Variants in CYB561 observed in about 807,000 individuals in gnomAD.
CYB561 encodes the protein transmembrane ascorbate-dependent reductase CYB561.
Under a neutral mutation model 25.3 loss-of-function variants are expected in CYB561, and 11 were observed. The observed-to-expected ratio is 0.44, with a 90% CI of 0.27 to 0.72. The LOEUF is 0.72. Among genes scored for constraint, CYB561 ranks in the 30% least tolerant of loss-of-function variants. CYB561 has a pLI of 0.18. For missense variants in CYB561, 295 were observed against 334.9 expected (o/e 0.88, Z 0.93); for synonymous variants, 165 against 158.8 (o/e 1.04, Z -0.29).
At chr17:63,439,660 T>G (rs2049355417) in intron 1 of CYB561, among the ~76,000 whole-genome samples, 1 of 152,204 alleles carries the variant, frequency 6.6e-6, no homozygotes, top group South Asian at 2.1e-4. Flanking sequence ...ATCTATATCC[T>G]CACACACCTT....
Position 63,434,095 on chromosome 17 carries a change from C to T in CYB561, c.*307G>A, listed in dbSNP as rs529020517. The T allele has an allele frequency of 1.5e-5, 5 of 330,254 alleles. No individual in the cohort carries two copies. The highest frequency in any genetic ancestry group is 8.4e-5 in the African/African-American group (4 of 47,550). 20.5% of individuals were successfully genotyped at this position (330,254 alleles called of 1,614,324 possible). ...GCCAGGAGGGTGGGGCCTCCTCTCT[C>T]GCTTCTTTAAAGATCTGTGCTCTGC... On this transcript the variant is annotated 3_prime_UTR_variant, in exon 6 of 6. Coordinates refer to ENST00000360793, the MANE Select transcript of CYB561 (RefSeq NM_001915.4).
intron 2 of CYB561, 168 bp downstream of exon 2, chr17:63,437,178 G>C: frequency 1.6e-6 from 1 of 616,944 alleles, no homozygotes; most frequent in Non-Finnish European, 2.9e-6. Context: ...TCAGAGCCTG[G>C]GTTTGGATTC....
chr17:63,445,315 C>T (rs191768174), intron 1 of CYB561, among the ~76,000 whole-genome samples: 14 of 151,452 alleles, frequency 9.2e-5, no homozygotes, highest in East Asian at 1.9e-4. Flanking sequence ...GCCACCGCCT[C>T]GTATTTTCCT....
chr17:63,435,718 C>T lies in CYB561; in HGVS notation c.375G>A (p.Gly125=), dbSNP rs745590631. ...CAAAGTACAGGACAAAGACAAGGAT[C>T]CCGCACCAGCTGTGTAGGCTGTACA... ...ADLYSLHSWC[G]ILVFVLYFVQ... is the part of the protein sequence containing the mutation. The change falls in exon 4 of 6, where the codon GGG becomes GGA. Residue 125 remains glycine, a synonymous_variant. Transcript: ENST00000360793. 3.1e-6 allele frequency: 5 copies of T among 1,614,102 alleles called. No homozygotes were observed. The African/African-American group carries it at 4.0e-5, about 13-fold the overall frequency.
chr17:63,437,507 G>A lies in CYB561; in HGVS notation c.41C>T (p.Pro14Leu), dbSNP rs374191429. The A allele has an allele frequency of 1.2e-5, 19 of 1,613,264 alleles. No homozygotes were observed. The highest frequency in any genetic ancestry group is 6.6e-5 in the South Asian group (6 of 91,078). Residue 14 changes from proline to leucine, a missense_variant, in exon 2 of 6, where the codon CCT becomes CTT. By Grantham distance (98) the Pro-to-Leu change is moderately conservative (BLOSUM62 -3). Transcript: ENST00000360793. Reference protein sequence around the residue: ...GAAAATPTALPYYVAFSQLLG... With the variant: ...GAAAATPTALLYYVAFSQLLG... ...CAGCTGGGAGAAGGCCACGTAGTAA[G>A]GCAGTGCTGTGGGGGTGGCTGCCGC... is the stretch of plus-strand genomic sequence containing the variant.
At position 63,432,958 on chromosome 17, in the gene CYB561, GT is replaced by G. The variant is rs1225121921; in HGVS notation, c.*1443del. 2 of 156,024 alleles carry G rather than the reference GT, an allele frequency of 1.3e-5. No homozygotes were observed. Among genetic ancestry groups the G allele is most frequent in the African/African-American group, 4.8e-5 (2 of 41,618 alleles). The allele number at this position is 156,024 out of a possible 1,614,324, so 9.7% of individuals were successfully genotyped here. A position where few individuals can be genotyped will look rare whatever the true frequency, so the allele number is the denominator to read the frequency against. On this transcript the variant is annotated 3_prime_UTR_variant, in exon 6 of 6. Coordinates refer to ENST00000360793, the MANE Select transcript of CYB561 (RefSeq NM_001915.4). ...TCACTGAAGTACACAGTGTCTGTGT[GT>G]GTCTCAAGCTAAGCCATGCTCCTCA...
At chr17:63,443,484 A>G (rs963992063) in intron 1 of CYB561, among the ~76,000 whole-genome samples, 1 of 152,218 alleles carries the variant, frequency 6.6e-6, no homozygotes, top group Non-Finnish European at 1.5e-5. Context: ...CTGAAGTCAA[A>G]CACTGAGCTC....
chr17:63,433,136 C>G lies in CYB561; in HGVS notation c.*1266G>C. On this transcript the variant is annotated 3_prime_UTR_variant, in exon 6 of 6. Transcript: ENST00000360793. ...CAAGCGCCATCTCCCGGGTTCACAC[C>G]ATTCTCCTGCCTCAGCCTCCCAAGT... 2.9e-6 allele frequency: 1 copy of G among 349,414 alleles called. No homozygotes were observed. The highest frequency in any genetic ancestry group is 5.1e-6 in the Non-Finnish European group (1 of 195,608). 21.6% of individuals were successfully genotyped at this position (349,414 alleles called of 1,614,324 possible). A position where few individuals can be genotyped will look rare whatever the true frequency, so the allele number is the denominator to read the frequency against.
chr17:63,433,047 G>A lies in CYB561; in HGVS notation c.*1355C>T, dbSNP rs1025732587. ...CACCAGATCCAAGAAGCACATGATC[G>A]GTGTTCTTTTTTTTTTCTTTTTTGA... On this transcript the variant is annotated 3_prime_UTR_variant, in exon 6 of 6. Coordinates refer to ENST00000360793, the MANE Select transcript of CYB561 (RefSeq NM_001915.4). 3 of 213,924 alleles carry A rather than the reference G, an allele frequency of 1.4e-5. No individual in the cohort carries two copies. Among genetic ancestry groups the A allele is most frequent in the African/African-American group, 4.6e-5 (2 of 43,716 alleles). The allele number at this position is 213,924 out of a possible 1,614,324, so 13.3% of individuals were successfully genotyped here.
chr17:63,434,378 A>AACCCG lies in CYB561; in HGVS notation c.*23_*24insCGGGT, dbSNP rs1192775327. The AACCCG allele has an allele frequency of 1.3e-6, 2 of 1,523,492 alleles. No homozygotes were observed. Among genetic ancestry groups the AACCCG allele is most frequent in the Non-Finnish European group, 1.8e-6 (2 of 1,129,046 alleles). 94.4% of individuals were successfully genotyped at this position (1,523,492 alleles called of 1,614,324 possible). ...GGGGCAGGCAAGAAGACACCCCGCG[A>AACCCG]ACCCCCAGGGCCGGCCGGGCGCATC... is the stretch of plus-strand genomic sequence containing the variant. On this transcript the variant is annotated 3_prime_UTR_variant, in exon 6 of 6. Coordinates refer to ENST00000360793, the MANE Select transcript of CYB561 (RefSeq NM_001915.4).
rs1360125923 is a variant in CYB561, at chr17:63,433,959, G to C, written c.*443C>G. The C allele has an allele frequency of 5.4e-6, 1 of 184,232 alleles. No individual in the cohort carries two copies. The highest frequency in any genetic ancestry group is 1.1e-5 in the Non-Finnish European group (1 of 90,100). The allele number at this position is 184,232 out of a possible 1,614,324, so 11.4% of individuals were successfully genotyped here. A position where few individuals can be genotyped will look rare whatever the true frequency, so the allele number is the denominator to read the frequency against. The stretch of plus-strand genomic sequence containing the variant: ...AAGGCCGGGCCCATTTGTGCCACGT[G>C]TTATTCAGGCTGGAGGGACTCCTTG... On this transcript the variant is annotated 3_prime_UTR_variant, in exon 6 of 6. Transcript: ENST00000360793.
Position 63,437,715 on chromosome 17 carries a change from GT to G in CYB561, c.-13-156del, listed in dbSNP as rs2049323460. 10 of 528,022 alleles carry G rather than the reference GT, an allele frequency of 1.9e-5. No homozygotes were observed. The Admixed American group carries it at 3.4e-4, about 18-fold the overall frequency. 32.7% of individuals were successfully genotyped at this position (528,022 alleles called of 1,614,324 possible). On this transcript the variant is annotated intron_variant, in intron 1 of 5. Transcript: ENST00000360793. Reference sequence around the variant, plus strand: ...ACAGCCGCCCCCGGAGATAAGCACGGTCCCCCCAGATATGCACAGCCCCCCC... The same window carrying G: ...ACAGCCGCCCCCGGAGATAAGCACGGCCCCCCAGATATGCACAGCCCCCCC...
At chr17:63,443,792 A>AT (rs1459304185) in intron 1 of CYB561, among the ~76,000 whole-genome samples, 1 of 151,782 alleles carries the variant, frequency 6.6e-6, no homozygotes, top group Non-Finnish European at 1.5e-5. Flanking sequence ...TGCCCAGTTA[A>AT]TTTTTTCTTT....
intron 4 of CYB561, 127 bp downstream of exon 4, chr17:63,435,561 G>T: frequency 1.2e-6 from 1 of 844,014 alleles, no homozygotes; most frequent in Non-Finnish European, 2.0e-6. Context: ...GCCTGGGAAG[G>T]CAGCTCTCTC....
Position 63,433,756 on chromosome 17 carries a change from C to T in CYB561, c.*646G>A, listed in dbSNP as rs919187751. 7 of 219,132 alleles carry T rather than the reference C, an allele frequency of 3.2e-5. No individual in the cohort carries two copies. The highest frequency in any genetic ancestry group is 4.5e-5 in the African/African-American group (2 of 44,032). 13.6% of individuals were successfully genotyped at this position (219,132 alleles called of 1,614,324 possible). On this transcript the variant is annotated 3_prime_UTR_variant, in exon 6 of 6. Transcript: ENST00000360793. ...TCTGTCTGAAGTCATGGGCTTCTAT[C>T]CCCTCTCCCACCAAAGCCATCCTAG...
In CYB561 at chr17:63,432,536, T is replaced by A. The variant is rs1599112094; in HGVS notation, c.*1866A>T. 1 of 152,242 alleles carries A rather than the reference T, an allele frequency of 6.6e-6. No individual in the cohort carries two copies. Among genetic ancestry groups the A allele is most frequent in the South Asian group, 2.1e-4 (1 of 4,828 alleles). The allele number at this position is 152,242 out of a possible 1,614,324, so 9.4% of individuals were successfully genotyped here. A position where few individuals can be genotyped will look rare whatever the true frequency, so the allele number is the denominator to read the frequency against. On this transcript the variant is annotated 3_prime_UTR_variant, in exon 6 of 6. Coordinates refer to ENST00000360793, the MANE Select transcript of CYB561 (RefSeq NM_001915.4). ...CATTCCGGCTAGAGAGAGACACGATTGTACTTTGGTAGTTTGTCTAAGGCG... is the reference window on the plus strand; with the variant it reads ...CATTCCGGCTAGAGAGAGACACGATAGTACTTTGGTAGTTTGTCTAAGGCG...
At chr17:63,446,207 C>T (rs979220935) in intron 1 of CYB561, 38 bp downstream of exon 1, 3 of 152,052 alleles carry the variant, frequency 2.0e-5, no homozygotes, top group African/African-American at 7.2e-5. Flanking sequence ...CCCCGCACCC[C>T]TGCGCGCTCC....
intron 1 of CYB561, among the ~76,000 whole-genome samples, chr17:63,444,230 C>T (rs2049402315): frequency 6.6e-6 from 1 of 152,174 alleles, no homozygotes; most frequent in Non-Finnish European, 1.5e-5. Context: ...AAGACGGGGC[C>T]CGTGAAGGCC....
chr17:63,440,111 T>C (rs1046649611), intron 1 of CYB561: 5 of 398,514 alleles, frequency 1.3e-5, no homozygotes, highest in African/African-American at 1.0e-4. Context: ...TGTCCTTATC[T>C]GTCACCTACA....
Sources: allele counts gnomAD v4.1 joint callset (sites outside exome capture counted in the v4.1 genomes callset), GRCh38; gene constraint gnomAD v4.1.1; transcripts MANE v1.5; gene names NCBI Gene and HGNC (gene_info 2026-07-23, HGNC 2026-07-21).